The following GP1BA variants were observed in gnomAD, a reference collection of about 807,000 sequenced individuals.
GP1BA encodes the protein platelet glycoprotein Ib alpha chain.
A neutral mutation model predicts 5.6 loss-of-function variants in GP1BA; 3 were observed. The observed-to-expected ratio is 0.53, with a 90% CI of 0.24 to 1.38. GP1BA has a LOEUF of 1.38. Among genes scored for constraint, GP1BA ranks in the 40% most tolerant of loss-of-function variants. The probability of loss-of-function intolerance (pLI) is 0.16; values close to 1 mark genes in which losing one functional copy is unlikely to be tolerated. For synonymous variants in GP1BA, 323 were observed against 358.3 expected (o/e 0.90, Z 1.11); for missense variants, 707 against 801.4 (o/e 0.88, Z 1.42).
chr17:4,932,977 T>C lies in GP1BA; in HGVS notation c.373T>C (p.Phe125Leu). 1 of 1,613,992 alleles carries C rather than the reference T, an allele frequency of 6.2e-7. No homozygotes were observed. The highest frequency in any genetic ancestry group is 2.2e-5 in the East Asian group (1 of 44,872). Residue 125 changes from phenylalanine to leucine, a missense_variant, in exon 2 of 2, where the codon TTC becomes CTC. Physicochemically the swap from Phe to Leu is conservative, Grantham distance 22. Transcript: ENST00000329125. The surrounding 1 kb of genome is among the most constrained non-coding windows in gnomAD (Gnocchi z 4.8). ...LPALTVLDVS[F>L]NRLTSLPLGA... The stretch of plus-strand genomic sequence containing the variant: ...TGCTCTCACCGTCCTGGACGTCTCC[T>C]TCAACCGGCTGACCTCGCTGCCTCT...
chr17:4,933,379 G>A lies in GP1BA; in HGVS notation c.775G>A (p.Val259Met), dbSNP rs749788312. 8.2e-5 allele frequency: 132 copies of A among 1,613,630 alleles called. No homozygotes were observed. Among genetic ancestry groups the A allele is most frequent in the Middle Eastern group, 1.6e-4 (1 of 6,084 alleles). ...GGACGTCAAGGCCATGACCTCTAAC[G>A]TGGCCAGTGTGCAGTGTGACAATTC... is the stretch of plus-strand genomic sequence containing the variant. ...GVDVKAMTSN[V>M]ASVQCDNSDK... Residue 259 changes from valine (V) to methionine (M), a missense_variant, in exon 2 of 2, where the codon GTG (valine) becomes ATG (methionine). Around this residue, in one of 3 missense-constraint regions of GP1BA, gnomAD observed 442 missense variants for 498.8 expected, o/e 0.89. Transcript: ENST00000329125.
Position 4,933,151 on chromosome 17 carries a change from C to T in GP1BA, c.547C>T (p.Leu183Phe). Residue 183 changes from leucine to phenylalanine, a missense_variant, in exon 2 of 2, where the codon CTC becomes TTC. Physicochemically the swap from Leu to Phe is conservative, Grantham distance 22. This residue lies in a region of GP1BA where 442 missense variants were observed against 498.8 expected (regional missense o/e 0.89). Coordinates refer to ENST00000329125, the MANE Select transcript of GP1BA (RefSeq NM_000173.7). ...NNNLTELPAG[L>F]LNGLENLDTL... ...CAACTTGACTGAGCTCCCCGCTGGGCTCCTGAATGGGCTGGAGAATCTCGA... is the reference window on the plus strand; with the variant it reads ...CAACTTGACTGAGCTCCCCGCTGGGTTCCTGAATGGGCTGGAGAATCTCGA... 1 of 1,613,924 alleles carries T rather than the reference C, an allele frequency of 6.2e-7. No homozygotes were observed. Among genetic ancestry groups the T allele is most frequent in the Non-Finnish European group, 8.5e-7 (1 of 1,179,804 alleles).
Position 4,934,956 on chromosome 17 carries a change from CCT to C in GP1BA, c.*394_*395del, listed in dbSNP as rs1057300661. On this transcript the variant is annotated 3_prime_UTR_variant, in exon 2 of 2. Coordinates refer to ENST00000329125, the MANE Select transcript of GP1BA (RefSeq NM_000173.7). ...TATGGGTGGTTTTATTTTCTTTTTC[CCT>C]GTTTAGCATTTTCTAGTTTTCCACT... 4.7e-5 allele frequency: 12 copies of C among 253,226 alleles called. No homozygotes were observed. The highest frequency in any genetic ancestry group is 2.3e-4 in the African/African-American group (10 of 43,674). The allele number at this position is 253,226 out of a possible 1,614,324, so 15.7% of individuals were successfully genotyped here.
In GP1BA at chr17:4,932,401, C is replaced by A; in HGVS notation, c.-7+36C>A. On this transcript the variant is annotated intron_variant, in intron 1 of 1. Transcript: ENST00000329125. This position sits in a 1 kb window ranked among gnomAD's most constrained non-coding sequence, Gnocchi z 4.8. ...GTTGGTGCTGGGGCAGGAGAGGGGT[C>A]TGAGGGAGGGGAAAGAGCCAAGGAC... 7.1e-7 allele frequency: 1 copy of A among 1,398,722 alleles called. No homozygotes were observed. Among genetic ancestry groups the A allele is most frequent in the Non-Finnish European group, 9.3e-7 (1 of 1,072,282 alleles). 86.6% of individuals were successfully genotyped at this position (1,398,722 alleles called of 1,614,324 possible). A position where few individuals can be genotyped will look rare whatever the true frequency, so the allele number is the denominator to read the frequency against.
rs1567649026 is a variant in GP1BA at position 4,934,616 on chromosome 17, A to C, written c.*53A>C. On this transcript the variant is annotated 3_prime_UTR_variant, in exon 2 of 2. Transcript: ENST00000329125. Reference sequence around the variant, plus strand: ...AAGAGCCTGTGGGCTCTCCTATTGGAATCTAGTTGGGGGTTGGAGGGGTAA... The same window carrying C: ...AAGAGCCTGTGGGCTCTCCTATTGGCATCTAGTTGGGGGTTGGAGGGGTAA... 1 of 1,581,586 alleles carries C rather than the reference A, an allele frequency of 6.3e-7. No individual in the cohort carries two copies. Among genetic ancestry groups the C allele is most frequent in the Non-Finnish European group, 8.6e-7 (1 of 1,159,378 alleles).
chr17:4,932,830 C>A lies in GP1BA; in HGVS notation c.226C>A (p.Leu76Met). The A allele has an allele frequency of 6.2e-7, 1 of 1,614,054 alleles. No homozygotes were observed. Among genetic ancestry groups the A allele is most frequent in the Non-Finnish European group, 8.5e-7 (1 of 1,179,890 alleles). Reference protein sequence around the residue: ...TLMPYTRLTQLNLDRCELTKL... With the variant: ...TLMPYTRLTQMNLDRCELTKL... ...GATGCCTTACACTCGCCTCACTCAG[C>A]TGAACCTAGATAGGTGCGAGCTCAC... Residue 76 changes from leucine (L) to methionine (M), a missense_variant, in exon 2 of 2, where the codon CTG (leucine) becomes ATG (methionine). By Grantham distance (15) the Leu-to-Met change is conservative (BLOSUM62 2). Around this residue, in one of 3 missense-constraint regions of GP1BA, gnomAD observed 442 missense variants for 498.8 expected, o/e 0.89. Coordinates refer to ENST00000329125, the MANE Select transcript of GP1BA (RefSeq NM_000173.7). The surrounding 1 kb of genome is among the most constrained non-coding windows in gnomAD (Gnocchi z 4.8).
rs1279275803 is a variant in GP1BA, at chr17:4,933,985, A to C, written c.1381A>C (p.Ser461Arg). 6.2e-7 allele frequency: 1 copy of C among 1,600,018 alleles called. No individual in the cohort carries two copies. The highest frequency in any genetic ancestry group is 2.3e-5 in the East Asian group (1 of 44,300). The change falls in exon 2 of 2, where the codon AGC (serine) becomes CGC (arginine). Residue 461 changes from serine (S) to arginine (R), a missense_variant. By Grantham distance (110) the Ser-to-Arg change is moderately radical. Coordinates refer to ENST00000329125, the MANE Select transcript of GP1BA (RefSeq NM_000173.7). ...CACCCCAATCCCGACCATCGCCACA[A>C]GCCCGACCATCCTGGTGTCTGCCAC... ...EPTPIPTIAT[S>R]PTILVSATSL...
At position 4,934,366 on chromosome 17, in the gene GP1BA, G is replaced by A. The variant is rs763146497; in HGVS notation, c.1762G>A (p.Val588Met). The A allele has an allele frequency of 9.9e-6, 16 of 1,613,922 alleles. No individual in the cohort carries two copies. Among genetic ancestry groups the A allele is most frequent in the Middle Eastern group, 1.6e-4 (1 of 6,084 alleles). Reference sequence around the variant, plus strand: ...CCTGGAGCTGCAGAGGGGACGGCAAGTGACAGTGCCCCGGGCCTGGCTGCT... The same window carrying A: ...CCTGGAGCTGCAGAGGGGACGGCAAATGACAGTGCCCCGGGCCTGGCTGCT... The part of the protein sequence containing the change: ...THLELQRGRQ[V>M]TVPRAWLLFL... The change falls in exon 2 of 2, where the codon GTG (valine) becomes ATG (methionine). Residue 588 changes from valine (V) to methionine (M), a missense_variant. Around this residue, in one of 3 missense-constraint regions of GP1BA, gnomAD observed 247 missense variants for 246.6 expected, o/e 1.00. Transcript: ENST00000329125.
Position 4,932,377 on chromosome 17 carries a change from T to G in GP1BA, c.-7+12T>G. Reference sequence around the variant, plus strand: ...CTTTCTGCCTGCCTGTAAGCCGGGGTTGGTGCTGGGGCAGGAGAGGGGTCT... The same window carrying G: ...CTTTCTGCCTGCCTGTAAGCCGGGGGTGGTGCTGGGGCAGGAGAGGGGTCT... On this transcript the variant is annotated intron_variant, in intron 1 of 1. Coordinates refer to ENST00000329125, the MANE Select transcript of GP1BA (RefSeq NM_000173.7). This position sits in a 1 kb window ranked among gnomAD's most constrained non-coding sequence, Gnocchi z 4.8. The G allele has an allele frequency of 2.9e-6, 4 of 1,383,936 alleles. No homozygotes were observed. Among genetic ancestry groups the G allele is most frequent in the South Asian group, 1.7e-5 (1 of 58,684 alleles). The allele number at this position is 1,383,936 out of a possible 1,614,324, so 85.7% of individuals were successfully genotyped here.
At position 4,933,620 on chromosome 17, in the gene GP1BA, C is replaced by T; in HGVS notation, c.1016C>T (p.Pro339Leu). Residue 339 changes from proline to leucine, a missense_variant, in exon 2 of 2, where the codon CCC becomes CTC. Pro to Leu is a moderately conservative substitution (Grantham distance 98). Around this residue, in one of 3 missense-constraint regions of GP1BA, gnomAD observed 442 missense variants for 498.8 expected, o/e 0.89. Transcript: ENST00000329125. ...ACTGCTTCTCTAGACAGCCAAATGCCCTCCTCCTTGCATCCAACACAAGAA... is the reference window on the plus strand; with the variant it reads ...ACTGCTTCTCTAGACAGCCAAATGCTCTCCTCCTTGCATCCAACACAAGAA... ...WSTASLDSQM[P>L]SSLHPTQEST... is the part of the protein sequence containing the mutation. The T allele has an allele frequency of 5.0e-6, 8 of 1,613,962 alleles. No individual in the cohort carries two copies. Among genetic ancestry groups the T allele is most frequent in the Non-Finnish European group, 6.8e-6 (8 of 1,179,872 alleles).
chr17:4,934,879 T>C lies in GP1BA; in HGVS notation c.*316T>C, dbSNP rs1263720060. On this transcript the variant is annotated 3_prime_UTR_variant, in exon 2 of 2. Coordinates refer to ENST00000329125, the MANE Select transcript of GP1BA (RefSeq NM_000173.7). Reference sequence around the variant, plus strand: ...ATGCATCTATGCACAGAAGAAAATCTGGAAAGTGATTTATCAGGATGTGAG... The same window carrying C: ...ATGCATCTATGCACAGAAGAAAATCCGGAAAGTGATTTATCAGGATGTGAG... 19 of 425,650 alleles carry C rather than the reference T, an allele frequency of 4.5e-5. No individual in the cohort carries two copies. The East Asian group carries it at 9.1e-4, about 20-fold the overall frequency. 26.4% of individuals were successfully genotyped at this position (425,650 alleles called of 1,614,324 possible).
rs1970389260 is a variant in GP1BA at position 4,934,199 on chromosome 17, G to C, written c.1595G>C (p.Gly532Ala). Residue 532 changes from glycine (G) to alanine (A), a missense_variant, in exon 2 of 2, where the codon GGC (glycine) becomes GCC (alanine). This residue lies in a region of GP1BA where 247 missense variants were observed against 246.6 expected (regional missense o/e 1.00). Transcript: ENST00000329125. ...HPDFCCLLPL[G>A]FYVLGLFWLL... The stretch of plus-strand genomic sequence containing the variant: ...GACTTTTGCTGCCTCCTCCCCCTGG[G>C]CTTCTATGTCTTGGGTCTCTTCTGG... 1 of 1,613,706 alleles carries C rather than the reference G, an allele frequency of 6.2e-7. No homozygotes were observed. The highest frequency in any genetic ancestry group is 8.5e-7 in the Non-Finnish European group (1 of 1,179,784).
Position 4,933,383 on chromosome 17 carries a change from C to A in GP1BA, c.779C>A (p.Ala260Asp). The stretch of plus-strand genomic sequence containing the variant: ...GTCAAGGCCATGACCTCTAACGTGG[C>A]CAGTGTGCAGTGTGACAATTCAGAC... ...VDVKAMTSNV[A>D]SVQCDNSDKF... is the part of the protein sequence containing the mutation. The change falls in exon 2 of 2, where the codon GCC becomes GAC. Residue 260 changes from alanine (A) to aspartate (D), a missense_variant. This residue lies in a region of GP1BA where 442 missense variants were observed against 498.8 expected (regional missense o/e 0.89). Transcript: ENST00000329125. 6.2e-7 allele frequency: 1 copy of A among 1,613,834 alleles called. No individual in the cohort carries two copies. The highest frequency in any genetic ancestry group is 8.5e-7 in the Non-Finnish European group (1 of 1,179,762).
Position 4,933,592 on chromosome 17 carries a change from T to C in GP1BA, c.988T>C (p.Ser330Pro). ...CCCCTGGGGTCTATTCTACTCATGG[T>C]CCACTGCTTCTCTAGACAGCCAAAT... ...TTPWGLFYSW[S>P]TASLDSQMPS... The change falls in exon 2 of 2, where the codon TCC (serine) becomes CCC (proline). Residue 330 changes from serine to proline, a missense_variant. Transcript: ENST00000329125. 2 of 1,613,890 alleles carry C rather than the reference T, an allele frequency of 1.2e-6. No homozygotes were observed. The highest frequency in any genetic ancestry group is 1.7e-6 in the Non-Finnish European group (2 of 1,179,850).
In GP1BA at chr17:4,932,383, C is replaced by T; in HGVS notation, c.-7+18C>T. ...GCCTGCCTGTAAGCCGGGGTTGGTG[C>T]TGGGGCAGGAGAGGGGTCTGAGGGA... On this transcript the variant is annotated intron_variant, in intron 1 of 1. Transcript: ENST00000329125. The surrounding 1 kb of genome is among the most constrained non-coding windows in gnomAD (Gnocchi z 4.8). 1.4e-6 allele frequency: 2 copies of T among 1,401,090 alleles called. No individual in the cohort carries two copies. The highest frequency in any genetic ancestry group is 1.9e-6 in the Non-Finnish European group (2 of 1,078,672). The allele number at this position is 1,401,090 out of a possible 1,614,324, so 86.8% of individuals were successfully genotyped here. A position where few individuals can be genotyped will look rare whatever the true frequency, so the allele number is the denominator to read the frequency against.
rs770430559 is a variant in GP1BA at position 4,933,357 on chromosome 17, C to T, written c.753C>T (p.Asp251=). 12 of 1,613,828 alleles carry T rather than the reference C, an allele frequency of 7.4e-6. No homozygotes were observed. Among genetic ancestry groups the T allele is most frequent in the East Asian group, 4.5e-5 (2 of 44,904 alleles). Residue 251 remains aspartate, a synonymous_variant, in exon 2 of 2, where the codon GAC becomes GAT. Transcript: ENST00000329125. ...ENVYVWKQGV[D]VKAMTSNVAS... ...TCTACGTATGGAAGCAAGGTGTGGA[C>T]GTCAAGGCCATGACCTCTAACGTGG...
chr17:4,933,501 C>T lies in GP1BA; in HGVS notation c.897C>T (p.Asp299=), dbSNP rs1970373555. The T allele has an allele frequency of 3.1e-6, 5 of 1,613,862 alleles. No homozygotes were observed. The highest frequency in any genetic ancestry group is 4.2e-6 in the Non-Finnish European group (5 of 1,179,808). Residue 299 remains aspartate, a synonymous_variant, in exon 2 of 2, where the codon GAC becomes GAT. Transcript: ENST00000329125. The stretch of plus-strand genomic sequence containing the variant: ...TATATGATTACTACCCAGAAGAGGA[C>T]ACTGAGGGCGATAAGGTGCGTGCCA... ...TDLYDYYPEE[D]TEGDKVRATR...
In GP1BA at chr17:4,934,448, C is replaced by T; in HGVS notation, c.1844C>T (p.Pro615Leu). Reference sequence around the variant, plus strand: ...TCCAGCCTCTTCCTGTGGGTACGGCCTAATGGCCGTGTGGGGCCTCTAGTG... The same window carrying T: ...TCCAGCCTCTTCCTGTGGGTACGGCTTAATGGCCGTGTGGGGCCTCTAGTG... ...FRSSLFLWVRPNGRVGPLVAG... is the reference protein window; with the variant it reads ...FRSSLFLWVRLNGRVGPLVAG... The change falls in exon 2 of 2, where the codon CCT becomes CTT. Residue 615 changes from proline to leucine, a missense_variant. Pro to Leu is a moderately conservative substitution (Grantham distance 98, BLOSUM62 -3). Transcript: ENST00000329125. 3 of 1,614,064 alleles carry T rather than the reference C, an allele frequency of 1.9e-6. No individual in the cohort carries two copies. Among genetic ancestry groups the T allele is most frequent in the Non-Finnish European group, 2.5e-6 (3 of 1,179,906 alleles).
In GP1BA at chr17:4,934,615, G is replaced by C. The variant is rs1195490520; in HGVS notation, c.*52G>C. 1.3e-6 allele frequency: 2 copies of C among 1,580,892 alleles called. No homozygotes were observed. The highest frequency in any genetic ancestry group is 1.7e-6 in the Non-Finnish European group (2 of 1,158,694). Reference sequence around the variant, plus strand: ...GAAGAGCCTGTGGGCTCTCCTATTGGAATCTAGTTGGGGGTTGGAGGGGTA... The same window carrying C: ...GAAGAGCCTGTGGGCTCTCCTATTGCAATCTAGTTGGGGGTTGGAGGGGTA... On this transcript the variant is annotated 3_prime_UTR_variant, in exon 2 of 2. Coordinates refer to ENST00000329125, the MANE Select transcript of GP1BA (RefSeq NM_000173.7).
Sources: gnomAD v4.1 joint callset for allele counts on GRCh38, gnomAD v4.1.1 for gene constraint, gnomAD v4.1.1 regional missense constraint, Gnocchi (gnomAD v3.1) non-coding constraint, MANE v1.5 for transcripts, NCBI Gene and HGNC (gene_info 2026-07-23, HGNC 2026-07-21) for gene names.